Variants in MALRD1 observed in about 807,000 individuals in gnomAD.
The protein encoded by MALRD1 is MAM and LDL receptor class A domain containing 1.
MALRD1 carries 247 observed loss-of-function variants against 242.1 expected under a neutral mutation model. The observed-to-expected ratio is 1.02, with a 90% CI of 0.92 to 1.13. The LOEUF is 1.13. Among genes scored for constraint, MALRD1 ranks in the 50% most tolerant of loss-of-function variants. MALRD1 has a pLI of 0.00. For missense variants in MALRD1, 2,989 were observed against 2,533.1 expected, an observed-to-expected ratio of 1.18 and a Z score of -3.86; for synonymous variants, 995 against 866.6, an observed-to-expected ratio of 1.15 and a Z score of -2.60.
intron 14 of MALRD1, among the ~76,000 whole-genome samples, chr10:19,191,807 G>T (rs1477642590): frequency 1.3e-5 from 2 of 152,092 alleles, no homozygotes; most frequent in African/African-American, 2.4e-5. Context: ...AGACCAGCAT[G>T]GCCAACATGG....
chr10:19,342,198 T>A (rs540909057), intron 24 of MALRD1, among the ~76,000 whole-genome samples: 1 of 152,282 alleles, frequency 6.6e-6, no homozygotes, highest in South Asian at 2.1e-4. Flanking sequence ...AATTTCACAG[T>A]GTACACTGCC....
chr10:19,591,436 C>T (rs1381242549), intron 33 of MALRD1, among the ~76,000 whole-genome samples: 3 of 151,572 alleles, frequency 2.0e-5, no homozygotes, highest in African/African-American at 7.3e-5. Context: ...AATCCATTAA[C>T]ATTAACTTTC....
chr10:19,105,751 G>A (rs1365843954), intron 5 of MALRD1, among the ~76,000 whole-genome samples: 1 of 151,774 alleles, frequency 6.6e-6, no homozygotes, highest in East Asian at 1.9e-4. Flanking sequence ...ATCACATTGT[G>A]GTTTTAATTT....
chr10:19,418,922 AT>A (rs1431054865), intron 28 of MALRD1, among the ~76,000 whole-genome samples: 1 of 152,128 alleles, frequency 6.6e-6, no homozygotes, highest in African/African-American at 2.4e-5. Flanking sequence ...AGTGCCCTTT[AT>A]CCACATTGCC....
At chr10:19,376,582 C>A (rs1845616333) in intron 26 of MALRD1, among the ~76,000 whole-genome samples, 2 of 118,896 alleles carry the variant, frequency 1.7e-5, no homozygotes, top group African/African-American at 3.4e-5. Flanking sequence ...TAAGAGGGAG[C>A]CTTGCTCCTA....
intron 36 of MALRD1, among the ~76,000 whole-genome samples, chr10:19,651,077 A>G (rs1424082169): frequency 6.6e-6 from 1 of 152,268 alleles, no homozygotes; most frequent in Non-Finnish European, 1.5e-5. Flanking sequence ...CTTAAAGTCA[A>G]TAATGGCATA....
intron 17 of MALRD1, among the ~76,000 whole-genome samples, chr10:19,206,201 A>G (rs1359264622): frequency 6.6e-6 from 1 of 152,098 alleles, no homozygotes; most frequent in Non-Finnish European, 1.5e-5. Context: ...AATGCTTACT[A>G]CATCATAGAA....
intron 27 of MALRD1, 33 bp from the exon 28 acceptor site, chr10:19,389,419 T>G (rs1257489583): frequency 6.5e-7 from 1 of 1,544,054 alleles, no homozygotes; most frequent in Non-Finnish European, 8.8e-7. Flanking sequence ...CATTGTTATT[T>G]CGTTCTTCTC....
chr10:19,133,998 C>T (rs1265286009), intron 9 of MALRD1, 50 bp downstream of exon 9: 2 of 969,606 alleles, frequency 2.1e-6, no homozygotes, highest in Admixed American at 8.6e-5. Flanking sequence ...TAAGTTTTAG[C>T]TTTGCAGTAA....
chr10:19,650,920 G>T (rs1418984348), intron 36 of MALRD1, among the ~76,000 whole-genome samples: 1 of 152,178 alleles, frequency 6.6e-6, no homozygotes, highest in Non-Finnish European at 1.5e-5. Flanking sequence ...AATCCTGACA[G>T]CAGGAGAGTG....
At chr10:19,449,908 C>A (rs1244154920) in intron 28 of MALRD1, among the ~76,000 whole-genome samples, 1 of 152,098 alleles carries the variant, frequency 6.6e-6, no homozygotes, top group African/African-American at 2.4e-5. Flanking sequence ...TTCATTGGCA[C>A]TAGTAAAGTT....
chr10:19,168,230 T>A (rs181508654), intron 13 of MALRD1, among the ~76,000 whole-genome samples: 1 of 152,358 alleles, frequency 6.6e-6, no homozygotes, highest in South Asian at 2.1e-4. Context: ...CAGCTCTTAA[T>A]TGGGAAGCAT....
intron 32 of MALRD1, among the ~76,000 whole-genome samples, chr10:19,539,904 GCGCGTGCGCGCA>G (rs1273067187): frequency 2.3e-3 from 124 of 54,268 alleles, no homozygotes; most frequent in African/African-American, 5.6e-3. Flanking sequence ...GTGTGCGCGC[GCGCGTGCGCGCA>G]CACACGCGCA....
At chr10:19,465,789 C>T (rs1836191916) in intron 29 of MALRD1, among the ~76,000 whole-genome samples, 5 of 152,192 alleles carry the variant, frequency 3.3e-5, no homozygotes, top group Admixed American at 3.3e-4. Flanking sequence ...CTGCTTTGGC[C>T]TCCCAAAGTG....
At chr10:19,679,834 A>T (rs1842293147) in intron 36 of MALRD1, among the ~76,000 whole-genome samples, 1 of 152,076 alleles carries the variant, frequency 6.6e-6, no homozygotes, top group African/African-American at 2.4e-5. Flanking sequence ...TGTGTCCCAG[A>T]GATTCTGGTA....
At chr10:19,631,833 G>T (rs550148278) in intron 36 of MALRD1, among the ~76,000 whole-genome samples, 126 of 152,230 alleles carry the variant, frequency 8.3e-4, no homozygotes, top group African/African-American at 2.8e-3. Flanking sequence ...TCTTAGTGGG[G>T]TTGCTTTTTC....
intron 26 of MALRD1, among the ~76,000 whole-genome samples, chr10:19,380,774 G>T (rs553240132): frequency 6.6e-6 from 1 of 152,112 alleles, no homozygotes; most frequent in African/African-American, 2.4e-5. Context: ...TAAAAATTTG[G>T]CATTATTGTT....
At chr10:19,505,040 A>G (rs1319700322) in intron 31 of MALRD1, among the ~76,000 whole-genome samples, 1 of 152,122 alleles carries the variant, frequency 6.6e-6, no homozygotes, top group Non-Finnish European at 1.5e-5. Flanking sequence ...GCATTCCAAG[A>G]AAAAGAAGGA....
chr10:19,620,415 A>G (rs11010715), intron 36 of MALRD1, among the ~76,000 whole-genome samples: 17,213 of 152,048 alleles, frequency 0.11, 2,557 homozygotes, highest in African/African-American at 0.34. Context: ...TCTAACCGTT[A>G]AAAACTTTTA....
Sources: gnomAD v4.1 joint callset for allele counts (sites outside exome capture counted in the v4.1 genomes callset) on GRCh38, gnomAD v4.1.1 for gene constraint, MANE v1.5 for transcripts, NCBI Gene and HGNC (gene_info 2026-07-23, HGNC 2026-07-21) for gene names.